The following TIPIN variants were observed in gnomAD, a reference collection of about 807,000 sequenced individuals.
TIPIN encodes TIMELESS interacting protein, also known as TIMELESS-interacting protein.
Under a neutral mutation model 35.6 loss-of-function variants are expected in TIPIN, and 29 were observed. The observed-to-expected ratio is 0.82, with a 90% CI of 0.61 to 1.11. The LOEUF is 1.11. TIPIN is among the 50% of genes most tolerant of loss of function. TIPIN has a pLI of 0.00. For missense variants in TIPIN, 296 were observed against 345.4 expected, an observed-to-expected ratio of 0.86 and a Z score of 1.13; for synonymous variants, 102 against 121.5, an observed-to-expected ratio of 0.84 and a Z score of 1.06.
intron 1 of TIPIN, among the ~76,000 whole-genome samples, chr15:66,364,118 T>C (rs1397557574): frequency 6.7e-6 from 1 of 148,810 alleles, no homozygotes; most frequent in East Asian, 2.0e-4. Context: ...GGGACAAATA[T>C]CCAAACCATA....
intron 1 of TIPIN, among the ~76,000 whole-genome samples, chr15:66,385,640 C>A (rs1036264076): frequency 6.6e-6 from 1 of 152,112 alleles, no homozygotes; most frequent in African/African-American, 2.4e-5. Flanking sequence ...AGGCACCCGC[C>A]ACCACGCCCA....
At chr15:66,357,205 G>A (rs1430439614), upstream of TIPIN, among the ~76,000 whole-genome samples, 1 of 152,066 alleles carries the variant, frequency 6.6e-6, no homozygotes. Context: ...GATTACAGGC[G>A]TGAGCCACTG....
Position 66,336,962 on chromosome 15 carries a change from C to G in TIPIN, c.902G>C (p.Arg301Thr). The G allele has an allele frequency of 2.5e-6, 4 of 1,608,986 alleles. No homozygotes were observed. The highest frequency in any genetic ancestry group is 3.4e-6 in the Non-Finnish European group (4 of 1,176,244). ...DATSRNITEAR is the reference protein window; with the variant it reads ...DATSRNITEAT ...ACATTTTCTCTTAATGGAAACTTAT[C>G]TAGCTTCAGTAATATTTCTGGATGT... Residue 301 changes from arginine (R) to threonine (T), a missense_variant, in exon 8 of 8, where the codon AGA becomes ACA. Arg to Thr is a moderately conservative substitution (Grantham distance 71). Transcript: ENST00000261881.
At chr15:66,338,623 G>C (rs1462212823) in intron 7 of TIPIN, among the ~76,000 whole-genome samples, 1 of 151,782 alleles carries the variant, frequency 6.6e-6, no homozygotes, top group African/African-American at 2.4e-5. Context: ...GACCATCCTG[G>C]CTGATACGGT....
At chr15:66,376,767 T>C (rs948088160) in intron 1 of TIPIN, among the ~76,000 whole-genome samples, 1 of 151,656 alleles carries the variant, frequency 6.6e-6, no homozygotes, top group African/African-American at 2.4e-5. Flanking sequence ...TATGCAATGC[T>C]GGGTCAGTAT....
At chr15:66,368,074 T>C (rs952206500) in intron 1 of TIPIN, among the ~76,000 whole-genome samples, 2 of 152,092 alleles carry the variant, frequency 1.3e-5, no homozygotes, top group South Asian at 2.1e-4. Flanking sequence ...CCTTGTGATC[T>C]GCCTGCCTCG....
intron 1 of TIPIN, among the ~76,000 whole-genome samples, chr15:66,365,758 G>C (rs982595096): frequency 6.6e-6 from 1 of 152,060 alleles, no homozygotes; most frequent in African/African-American, 2.4e-5. Context: ...TGTTGGTCAG[G>C]CTGGTCTCGA....
chr15:66,385,732 C>A (rs1489727187), intron 1 of TIPIN, among the ~76,000 whole-genome samples: 1 of 152,140 alleles, frequency 6.6e-6, no homozygotes, highest in Non-Finnish European at 1.5e-5. Context: ...CGTGATCCAC[C>A]CGTCTCGGCC....
At chr15:66,351,478 A>T in intron 4 of TIPIN, 47 bp downstream of exon 4, 1 of 1,392,608 alleles carries the variant, frequency 7.2e-7, no homozygotes, top group Non-Finnish European at 1.0e-6. Context: ...CCACATTTTT[A>T]TTGCTATTTT....
intron 1 of TIPIN, among the ~76,000 whole-genome samples, chr15:66,365,851 G>T (rs1269937043): frequency 6.6e-6 from 1 of 151,908 alleles, no homozygotes; most frequent in Non-Finnish European, 1.5e-5. Flanking sequence ...AGCCTGCTCT[G>T]CATATTAGTT....
intron 1 of TIPIN, among the ~76,000 whole-genome samples, chr15:66,353,384 G>T (rs984830016): frequency 6.6e-6 from 1 of 151,984 alleles, no homozygotes; most frequent in African/African-American, 2.4e-5. Flanking sequence ...TTGGGAGGCC[G>T]AGGCGGGCGG....
At chr15:66,353,332 T>A (rs2093181075) in intron 1 of TIPIN, among the ~76,000 whole-genome samples, 1 of 151,046 alleles carries the variant, frequency 6.6e-6, no homozygotes, top group African/African-American at 2.4e-5. Flanking sequence ...AAAAAAAAAA[T>A]CTGGGCTGGG....
chr15:66,386,095 A>C (rs1011099128), intron 1 of TIPIN, among the ~76,000 whole-genome samples: 1 of 152,050 alleles, frequency 6.6e-6, no homozygotes, highest in East Asian at 2.0e-4. Context: ...AGGCTTTAAA[A>C]AAATATTGCC....
At chr15:66,379,078 G>T (rs761589947) in intron 1 of TIPIN, among the ~76,000 whole-genome samples, 1 of 151,622 alleles carries the variant, frequency 6.6e-6, no homozygotes, top group African/African-American at 2.4e-5. Context: ...TTGTAGAGAT[G>T]GAGTCTTCCC....
chr15:66,375,427 G>A (rs1015099685), intron 1 of TIPIN, among the ~76,000 whole-genome samples: 3 of 150,352 alleles, frequency 2.0e-5, no homozygotes, highest in East Asian at 2.0e-4. Flanking sequence ...TGCCCACCTC[G>A]GCCTCCCAAA....
intron 1 of TIPIN, chr15:66,379,564 A>T: frequency 6.2e-7 from 1 of 1,611,456 alleles, no homozygotes; most frequent in Admixed American, 1.7e-5. Flanking sequence ...TTTTCACCCA[A>T]GAAATTTCGG....
At chr15:66,368,895 A>G (rs1002134626) in intron 1 of TIPIN, among the ~76,000 whole-genome samples, 1 of 152,220 alleles carries the variant, frequency 6.6e-6, no homozygotes, top group Non-Finnish European at 1.5e-5. Context: ...TTAAAAGATC[A>G]TGGGTCTGGC....
intron 1 of TIPIN, among the ~76,000 whole-genome samples, chr15:66,370,790 A>C (rs2140489833): frequency 6.6e-6 from 1 of 152,308 alleles, no homozygotes; most frequent in Admixed American, 6.5e-5. Flanking sequence ...TCATAATAAA[A>C]GAATAAAAGA....
At position 66,379,160 on chromosome 15, in the gene TIPIN, A is replaced by C. The variant is rs556308242; in HGVS notation, c.-9+7447T>G. 8.7e-5 allele frequency: 73 copies of C among 836,726 alleles called. 1 individual carries two copies. The highest frequency in any genetic ancestry group is 1.6e-4 in the Admixed American group (5 of 31,836). 51.8% of individuals were successfully genotyped at this position (836,726 alleles called of 1,614,324 possible). On this transcript the variant is annotated intron_variant, in intron 1 of 7. Transcript: ENST00000562124. ...CGCCTCTGCCTCCCAAAATGCTGGA[A>C]TCACAGGCATGAGCCACTGTGCCTG...
Sources: gnomAD v4.1 joint callset for allele counts (sites outside exome capture counted in the v4.1 genomes callset) on GRCh38, gnomAD v4.1.1 for gene constraint, MANE v1.5 for transcripts, NCBI Gene and HGNC (gene_info 2026-07-23, HGNC 2026-07-21) for gene names.